The following KALRN variants were observed in gnomAD, a reference collection of about 807,000 sequenced individuals.
KALRN encodes kalirin RhoGEF kinase.
Under a neutral mutation model 353.7 loss-of-function variants are expected in KALRN, and 70 were observed. That is an observed-to-expected ratio of 0.20 (90% CI 0.16 to 0.24). The LOEUF is 0.24. Among genes scored for constraint, KALRN ranks in the 10% least tolerant of loss-of-function variants. KALRN has a pLI of 1.00. For synonymous variants in KALRN, 1,391 were observed against 1,434.8 expected, an observed-to-expected ratio of 0.97 and a Z score of 0.69; for missense variants, 2,791 against 3,756.7, an observed-to-expected ratio of 0.74 and a Z score of 6.72.
intron 10 of KALRN, among the ~76,000 whole-genome samples, chr3:124,369,757 A>AC (rs1289826276): frequency 1.4e-5 from 2 of 138,290 alleles, no homozygotes; most frequent in African/African-American, 2.7e-5. Flanking sequence ...CCGCCTCAAG[A>AC]CCCCCCACCT....
At chr3:124,451,823 G>A (rs1170076497) in intron 21 of KALRN, among the ~76,000 whole-genome samples, 1 of 152,190 alleles carries the variant, frequency 6.6e-6, no homozygotes, top group Non-Finnish European at 1.5e-5. Flanking sequence ...TCATCTGAGA[G>A]TGGAAGACCA....
At chr3:124,177,771 C>T (rs190467993) in intron 1 of KALRN, among the ~76,000 whole-genome samples, 4 of 152,240 alleles carry the variant, frequency 2.6e-5, no homozygotes, top group African/African-American at 9.6e-5. Flanking sequence ...GGGATGGTTC[C>T]TACCATGCTA....
chr3:124,067,103 A>C (rs2042424266), intron 1 of KALRN, among the ~76,000 whole-genome samples: 1 of 152,232 alleles, frequency 6.6e-6, no homozygotes, highest in African/African-American at 2.4e-5. Flanking sequence ...TCATTCCTTC[A>C]GATAAGAAAA....
intron 1 of KALRN, among the ~76,000 whole-genome samples, chr3:124,215,949 T>G (rs185632317): frequency 1.3e-5 from 2 of 152,296 alleles, no homozygotes; most frequent in African/African-American, 4.8e-5. Flanking sequence ...CACAGTGTCA[T>G]GAATCGAGGA....
intron 32 of KALRN, among the ~76,000 whole-genome samples, chr3:124,495,544 C>T (rs914241204): frequency 6.6e-6 from 1 of 151,700 alleles, no homozygotes; most frequent in Non-Finnish European, 1.5e-5. Context: ...TGAGACCATC[C>T]TGGCCAACAT....
At chr3:124,656,454 C>CA (rs1415979672) in intron 39 of KALRN, among the ~76,000 whole-genome samples, 1 of 151,776 alleles carries the variant, frequency 6.6e-6, no homozygotes. Flanking sequence ...ACTAAAAATA[C>CA]AAAAAAATTA....
At chr3:124,543,893 CAG>C (rs2069338060) in intron 33 of KALRN, among the ~76,000 whole-genome samples, 3 of 152,230 alleles carry the variant, frequency 2.0e-5, no homozygotes, top group African/African-American at 7.2e-5. Flanking sequence ...CTTCTGTGGG[CAG>C]AGTTTTCTTT....
At chr3:124,296,210 A>C (rs1297038286) in intron 5 of KALRN, among the ~76,000 whole-genome samples, 1 of 151,986 alleles carries the variant, frequency 6.6e-6, no homozygotes, top group Non-Finnish European at 1.5e-5. Context: ...CCTACTGGAT[A>C]CCTCCCCTTG....
At chr3:124,336,415 A>C (rs2149476277) in intron 9 of KALRN, among the ~76,000 whole-genome samples, 1 of 152,246 alleles carries the variant, frequency 6.6e-6, no homozygotes, top group East Asian at 1.9e-4. Context: ...CACAAAGGAG[A>C]GGCGTTGCTA....
In KALRN at chr3:124,127,600, C is replaced by G. The variant is rs1056531948; in HGVS notation, c.73+93787C>G. Among the ~76,000 whole-genome samples, 7 of 152,140 alleles carry G rather than the reference C, an allele frequency of 4.6e-5. No individual in the cohort carries two copies. The East Asian group carries it at 1.3e-3, about 29-fold the overall frequency. On this transcript the variant is annotated intron_variant, in intron 1 of 59. Coordinates refer to ENST00000682506, the MANE Select transcript of KALRN (RefSeq NM_001388419.1). ...CTTAGAGTCCATTTAGTCTAACTTT[C>G]CACTTGAGGCAGAAATTGCCTCTAG... is the stretch of plus-strand genomic sequence containing the variant.
chr3:124,712,681 A>T (rs332509), intron 57 of KALRN, among the ~76,000 whole-genome samples: 63,604 of 141,766 alleles, frequency 0.45, 15,460 homozygotes, highest in East Asian at 0.72. Flanking sequence ...AAAGCTTTAT[A>T]TTACATATAA....
chr3:124,223,323 C>T (rs2078123957), intron 1 of KALRN, among the ~76,000 whole-genome samples: 1 of 152,164 alleles, frequency 6.6e-6, no homozygotes, highest in African/African-American at 2.4e-5. Context: ...TGAGCTCCTG[C>T]ACCTCTCAAT....
intron 1 of KALRN, among the ~76,000 whole-genome samples, chr3:124,156,128 A>G (rs751764714): frequency 7.2e-5 from 11 of 152,196 alleles, no homozygotes; most frequent in Admixed American, 1.3e-4. Context: ...AGGGTGGTAT[A>G]TGAAGTGGAA....
chr3:124,386,463 A>G (rs1480109883), intron 11 of KALRN, among the ~76,000 whole-genome samples: 1 of 152,150 alleles, frequency 6.6e-6, no homozygotes, highest in Non-Finnish European at 1.5e-5. Flanking sequence ...ACCACTCCCA[A>G]AAGAGTGACC....
chr3:124,175,472 C>T (rs542226382), intron 1 of KALRN, among the ~76,000 whole-genome samples: 3 of 151,370 alleles, frequency 2.0e-5, no homozygotes, highest in East Asian at 1.9e-4. Flanking sequence ...TGCGTGCTGC[C>T]GAGTGTCCAG....
intron 10 of KALRN, among the ~76,000 whole-genome samples, chr3:124,377,859 C>T (rs2086800463): frequency 6.6e-6 from 1 of 152,072 alleles, no homozygotes; most frequent in Admixed American, 6.6e-5. Context: ...ATTAATATAG[C>T]CACCCAGCTT....
intron 1 of KALRN, among the ~76,000 whole-genome samples, chr3:124,039,926 A>G (rs1189950941): frequency 6.6e-6 from 1 of 152,132 alleles, no homozygotes. Context: ...TTGGGGGAGT[A>G]TTGGGAAGAC....
At position 124,500,291 on chromosome 3, in the gene KALRN, T is replaced by C. The variant is rs146474048; in HGVS notation, c.4935+3878T>C. 1.9e-3 allele frequency among the ~76,000 whole-genome samples: 284 copies of C among 152,338 alleles called. 4 individuals are homozygous for C. The highest frequency in any genetic ancestry group is 1.2e-3 in the South Asian group (6 of 4,832). Reference sequence around the variant, plus strand: ...TCTAGCATGTATTGAATACAAATTATCTTGTCCAGTGTGTTAGCCATATCG... The same window carrying C: ...TCTAGCATGTATTGAATACAAATTACCTTGTCCAGTGTGTTAGCCATATCG... On this transcript the variant is annotated intron_variant, in intron 33 of 59. Coordinates refer to ENST00000682506, the MANE Select transcript of KALRN (RefSeq NM_001388419.1).
chr3:124,333,650 G>T (rs1292676901), intron 8 of KALRN, among the ~76,000 whole-genome samples: 7 of 152,156 alleles, frequency 4.6e-5, no homozygotes, highest in African/African-American at 1.7e-4. Context: ...CACTTTGGGA[G>T]GCTGAGGTGG....
Sources: gnomAD v4.1 joint callset for allele counts (sites outside exome capture counted in the v4.1 genomes callset) on GRCh38, gnomAD v4.1.1 for gene constraint, MANE v1.5 for transcripts, NCBI Gene and HGNC (gene_info 2026-07-23, HGNC 2026-07-21) for gene names.